The following AMBN variants were observed in gnomAD, a reference collection of about 807,000 sequenced individuals.
The protein encoded by AMBN is ameloblastin, also known as enamel matrix protein.
AMBN carries 54 observed loss-of-function variants against 48.0 expected under a neutral mutation model. The ratio of observed to expected loss-of-function variants is 1.12; its 90% CI spans 0.90 to 1.41. The LOEUF is 1.41. Ranked by LOEUF, AMBN falls within the 40% of genes most tolerant of loss-of-function variation. AMBN has a pLI of 0.00. For missense variants in AMBN, 571 were observed against 547.3 expected, an observed-to-expected ratio of 1.04 and a Z score of -0.43; for synonymous variants, 186 against 190.0, an observed-to-expected ratio of 0.98 and a Z score of 0.17.
At position 70,606,221 on chromosome 4, in the gene AMBN, T is replaced by C; in HGVS notation, c.835T>C (p.Phe279Leu). 1 of 1,614,096 alleles carries C rather than the reference T, an allele frequency of 6.2e-7. No individual in the cohort carries two copies. The highest frequency in any genetic ancestry group is 1.7e-5 in the Admixed American group (1 of 60,022). Residue 279 changes from phenylalanine to leucine, a missense_variant, in exon 13 of 13, where the codon TTT becomes CTT. Physicochemically the swap from Phe to Leu is conservative, Grantham distance 22 (BLOSUM62 0). Coordinates refer to ENST00000322937, the MANE Select transcript of AMBN (RefSeq NM_016519.6). Reference sequence around the variant, plus strand: ...AGACCCAATGGCCTATGGAGCCATGTTTCCAGGATTTGGAGGCATGAGGCC... The same window carrying C: ...AGACCCAATGGCCTATGGAGCCATGCTTCCAGGATTTGGAGGCATGAGGCC... ...REDPMAYGAM[F>L]PGFGGMRPGF...
chr4:70,596,342 T>C (rs865862482), intron 2 of AMBN, among the ~76,000 whole-genome samples: 5 of 151,978 alleles, frequency 3.3e-5, no homozygotes, highest in Non-Finnish European at 5.9e-5. Context: ...GATAGGTATA[T>C]TTTTGAACAA....
At chr4:70,604,649 C>T (rs1390118087) in intron 12 of AMBN, among the ~76,000 whole-genome samples, 1 of 152,180 alleles carries the variant, frequency 6.6e-6, no homozygotes, top group African/African-American at 2.4e-5. Flanking sequence ...TTTTGTGTGC[C>T]TTCCATGTGC....
chr4:70,605,077 C>G (rs1737611147), intron 12 of AMBN, among the ~76,000 whole-genome samples: 1 of 151,598 alleles, frequency 6.6e-6, no homozygotes, highest in Non-Finnish European at 1.5e-5. Context: ...TACCTAATGT[C>G]AAAATCATGG....
chr4:70,601,753 A>G, intron 6 of AMBN, 99 bp downstream of exon 6: 1 of 1,010,162 alleles, frequency 9.9e-7, no homozygotes, highest in Non-Finnish European at 1.5e-6. Flanking sequence ...GCCTTCAGGC[A>G]TAATACGTGA....
Position 70,606,353 on chromosome 4 carries a change from G to A in AMBN, c.967G>A (p.Ala323Thr), listed in dbSNP as rs1321458057. ...AGGCCCTGAGAACGAAGAAGGAGGTGCACAAGGCTCCCCTATGCCGGAGGC... is the reference window on the plus strand; with the variant it reads ...AGGCCCTGAGAACGAAGAAGGAGGTACACAAGGCTCCCCTATGCCGGAGGC... Reference protein sequence around the residue: ...TKGPENEEGGAQGSPMPEANP... With the variant: ...TKGPENEEGGTQGSPMPEANP... The change falls in exon 13 of 13, where the codon GCA (alanine) becomes ACA (threonine). Residue 323 changes from alanine (A) to threonine (T), a missense_variant. Coordinates refer to ENST00000322937, the MANE Select transcript of AMBN (RefSeq NM_016519.6). 1.2e-6 allele frequency: 2 copies of A among 1,614,042 alleles called. No homozygotes were observed. Among genetic ancestry groups the A allele is most frequent in the South Asian group, 1.1e-5 (1 of 91,070 alleles).
intron 11 of AMBN, 36 bp from the exon 12 acceptor site, chr4:70,603,841 G>A: frequency 6.2e-7 from 1 of 1,611,040 alleles, no homozygotes; most frequent in Non-Finnish European, 8.5e-7. Flanking sequence ...GAAGGTAGCT[G>A]GTTCGTAATT....
chr4:70,606,245 C>A lies in AMBN; in HGVS notation c.859C>A (p.Pro287Thr), dbSNP rs770298829. The change falls in exon 13 of 13, where the codon CCC becomes ACC. Residue 287 changes from proline to threonine, a missense_variant. Coordinates refer to ENST00000322937, the MANE Select transcript of AMBN (RefSeq NM_016519.6). ...GTTTCCAGGATTTGGAGGCATGAGG[C>A]CCGGCTTTGAGGGAATGCCCCACAA... ...AMFPGFGGMR[P>T]GFEGMPHNPA... 6.2e-6 allele frequency: 10 copies of A among 1,613,990 alleles called. No homozygotes were observed. Among genetic ancestry groups the A allele is most frequent in the Non-Finnish European group, 6.8e-6 (8 of 1,180,018 alleles).
rs1453825456 is a variant in AMBN, at chr4:70,597,021, C to T, written c.107C>T (p.Thr36Ile). ...CAGTTCTTTCCTCAGCAATCTGGAA[C>T]ACCGGGTATGGCTAGTTTGAGCCTT... is the stretch of plus-strand genomic sequence containing the variant. ...AVPFFPQQSG[T>I]PGMASLSLET... The change falls in exon 3 of 13, where the codon ACA becomes ATA. Residue 36 changes from threonine to isoleucine, a missense_variant. Physicochemically the swap from Thr to Ile is moderately conservative, Grantham distance 89. Transcript: ENST00000322937. The T allele has an allele frequency of 1.9e-6, 3 of 1,613,382 alleles. No individual in the cohort carries two copies. Among genetic ancestry groups the T allele is most frequent in the Non-Finnish European group, 2.5e-6 (3 of 1,179,626 alleles).
intron 1 of AMBN, 108 bp from the exon 2 acceptor site, chr4:70,593,219 G>A (rs979205703): frequency 6.5e-6 from 5 of 771,256 alleles, no homozygotes; most frequent in Admixed American, 2.5e-5. Flanking sequence ...CCTTTATCCC[G>A]GTGGTTTTTG....
Position 70,598,401 on chromosome 4 carries a change from C to T in AMBN, c.181C>T (p.Gln61Ter). The change falls in exon 4 of 13, where the codon CAG (glutamine) becomes TAG (stop). Residue 61 changes from glutamine (Q) to a stop codon, truncating the protein, a stop_gained and splice_region_variant. Transcript: ENST00000322937. LOFTEE classifies it high-confidence loss of function. ...GSLQRLNTLSQYSRYGFGKSF... is the reference protein window; with the variant it reads ...GSLQRLNTLS ...TCTGCAGAGATTAAACACACTTTCT[C>T]AGGTAATCATATTTCTTATTGCAAG... 6.3e-7 allele frequency: 1 copy of T among 1,585,690 alleles called. No individual in the cohort carries two copies. Among genetic ancestry groups the T allele is most frequent in the Non-Finnish European group, 8.6e-7 (1 of 1,165,796 alleles).
At chr4:70,593,264 G>A (rs1180844594) in intron 1 of AMBN, 63 bp from the exon 2 acceptor site, 3 of 1,372,192 alleles carry the variant, frequency 2.2e-6, no homozygotes, top group South Asian at 2.5e-5. Context: ...TTCAAAAATT[G>A]TCTTTTAACC....
chr4:70,603,160 TA>T (rs1737564206), intron 9 of AMBN, 99 bp from the exon 10 acceptor site: 2 of 1,350,096 alleles, frequency 1.5e-6, no homozygotes, highest in African/African-American at 3.0e-5. Context: ...ACTTATTTTC[TA>T]TACTAATCCA....
intron 3 of AMBN, among the ~76,000 whole-genome samples, chr4:70,597,539 A>G (rs1343716956): frequency 1.3e-5 from 2 of 152,110 alleles, no homozygotes; most frequent in African/African-American, 2.4e-5. Context: ...TGCAGTTCTC[A>G]TGTAATATAT....
intron 11 of AMBN, 29 bp from the exon 12 acceptor site, chr4:70,603,847 TA>T: frequency 6.2e-7 from 1 of 1,613,514 alleles, no homozygotes; most frequent in South Asian, 1.1e-5. Context: ...AGCTGGTTCG[TA>T]ATTTGACGCA....
rs1473654056 is a variant in AMBN, at chr4:70,604,027, G to A, written c.798+106G>A. Reference sequence around the variant, plus strand: ...CCATGAATGTAGCCAAATGAGCATGGGACTCAGATTTTTCCACTCCAAAAA... The same window carrying A: ...CCATGAATGTAGCCAAATGAGCATGAGACTCAGATTTTTCCACTCCAAAAA... On this transcript the variant is annotated intron_variant, in intron 12 of 12. Transcript: ENST00000322937. The A allele has an allele frequency of 4.5e-6, 5 of 1,102,630 alleles. No individual in the cohort carries two copies. The East Asian group carries it at 7.5e-5, about 16-fold the overall frequency. 68.3% of individuals were successfully genotyped at this position (1,102,630 alleles called of 1,614,324 possible).
In AMBN at chr4:70,601,499, T is replaced by C; in HGVS notation, c.376T>C (p.Phe126Leu). The part of the protein sequence containing the change: ...LKPQQPGLKP[F>L]LQSAAATTNQ... ...GCCTCAACAGCCAGGACTGAAACCT[T>C]TTCTCCAGTCTGCTGCTGCAACCAC... The change falls in exon 6 of 13, where the codon TTT becomes CTT. Residue 126 changes from phenylalanine to leucine, a missense_variant. Transcript: ENST00000322937. The C allele has an allele frequency of 6.2e-7, 1 of 1,614,164 alleles. No homozygotes were observed. The highest frequency in any genetic ancestry group is 8.5e-7 in the Non-Finnish European group (1 of 1,180,002).
intron 12 of AMBN, 42 bp from the exon 13 acceptor site, chr4:70,606,143 G>A (rs770126037): frequency 1.4e-5 from 22 of 1,601,616 alleles, no homozygotes; most frequent in Non-Finnish European, 1.9e-5. Flanking sequence ...ATAGTTAATA[G>A]CATGTGATGA....
intron 12 of AMBN, among the ~76,000 whole-genome samples, chr4:70,605,212 T>C (rs1445723102): frequency 1.3e-5 from 2 of 151,488 alleles, no homozygotes; most frequent in African/African-American, 2.4e-5. Context: ...GAATGAAGAG[T>C]CAGGAGAAAG....
intron 2 of AMBN, among the ~76,000 whole-genome samples, 157 bp downstream of exon 2, chr4:70,593,552 T>C (rs1477452431): frequency 1.3e-5 from 2 of 152,146 alleles, no homozygotes; most frequent in African/African-American, 4.8e-5. Context: ...TGCTCAGATG[T>C]CAGTCTTGCA....
Sources: allele counts gnomAD v4.1 joint callset (sites outside exome capture counted in the v4.1 genomes callset), GRCh38; gene constraint gnomAD v4.1.1; transcripts MANE v1.5; gene names NCBI Gene and HGNC (gene_info 2026-07-23, HGNC 2026-07-21).